The following AP3B1 variants were observed in gnomAD, a reference collection of about 807,000 sequenced individuals.
The protein encoded by AP3B1 is adaptor related protein complex 3 subunit beta 1.
A neutral mutation model predicts 132.5 loss-of-function variants in AP3B1; 61 were observed. The observed-to-expected ratio is 0.46, with a 90% CI of 0.37 to 0.57. The LOEUF (loss-of-function observed/expected upper bound fraction) is 0.57, where lower values mean the gene tolerates loss of function less well. Among genes scored for constraint, AP3B1 ranks in the 20% least tolerant of loss-of-function variants. The pLI is 0.00. For missense variants in AP3B1, 1,120 were observed against 1,289.4 expected, an observed-to-expected ratio of 0.87 and a Z score of 2.01; for synonymous variants, 388 against 438.3, an observed-to-expected ratio of 0.89 and a Z score of 1.43.
In AP3B1 at chr5:78,225,545, G is replaced by C. The variant is rs1245456737; in HGVS notation, c.600C>G (p.Ser200Arg). 9.0e-6 allele frequency: 14 copies of C among 1,552,630 alleles called. No individual in the cohort carries two copies. Among genetic ancestry groups the C allele is most frequent in the Non-Finnish European group, 1.2e-5 (14 of 1,126,730 alleles). Residue 200 changes from serine to arginine, a missense_variant, in exon 6 of 27, where the codon AGC (serine) becomes AGG (arginine). This residue lies in a region of AP3B1 where 129 missense variants were observed against 212.4 expected (regional missense o/e 0.61). Transcript: ENST00000255194. ...EVIEKLLKDK[S>R]TLVAGSVVMA... is the part of the protein sequence containing the mutation. ...GACGTAAAAAGACATTACTTACTGT[G>C]CTTTTATCTTTCAGAAGTTTTTCAA...
At chr5:78,177,306 A>C (rs1305819073) in intron 9 of AP3B1, 33 bp downstream of exon 9, 5 of 1,460,112 alleles carry the variant, frequency 3.4e-6, no homozygotes, top group Non-Finnish European at 4.8e-6. Context: ...GAAGGAATAC[A>C]AAAGAAAAAA....
chr5:78,118,675 G>A (rs1751987965), intron 17 of AP3B1, among the ~76,000 whole-genome samples: 1 of 152,242 alleles, frequency 6.6e-6, no homozygotes, highest in Admixed American at 6.5e-5. Context: ...AAGCAGCCAG[G>A]AAGCTCGAAC....
At chr5:78,185,542 T>G (rs1212873142) in intron 7 of AP3B1, among the ~76,000 whole-genome samples, 1 of 152,184 alleles carries the variant, frequency 6.6e-6, no homozygotes. Context: ...GTTATGCATG[T>G]AAAATGTAAT....
At chr5:78,110,783 T>C (rs1361477341) in intron 19 of AP3B1, among the ~76,000 whole-genome samples, 2 of 148,168 alleles carry the variant, frequency 1.3e-5, no homozygotes, top group African/African-American at 2.4e-5. Context: ...TACGTATATA[T>C]ATACGTATAT....
At chr5:78,118,964 C>A (rs1037046355) in intron 17 of AP3B1, among the ~76,000 whole-genome samples, 1 of 152,120 alleles carries the variant, frequency 6.6e-6, no homozygotes, top group Non-Finnish European at 1.5e-5. Context: ...CGGGTACTCC[C>A]CTGAGACAAA....
chr5:78,037,543 T>C (rs1358079208), intron 23 of AP3B1, among the ~76,000 whole-genome samples: 1 of 152,172 alleles, frequency 6.6e-6, no homozygotes, highest in East Asian at 1.9e-4. Flanking sequence ...TCAAAAATTA[T>C]TTTATTCCTT....
At chr5:78,159,599 T>C (rs1743304114) in intron 13 of AP3B1, among the ~76,000 whole-genome samples, 1 of 152,218 alleles carries the variant, frequency 6.6e-6, no homozygotes. Context: ...CCTGCGTCTC[T>C]CTTTCCCTTA....
intron 26 of AP3B1, among the ~76,000 whole-genome samples, chr5:78,005,716 T>C (rs1459442301): frequency 2.0e-5 from 3 of 152,230 alleles, no homozygotes; most frequent in Non-Finnish European, 2.9e-5. Flanking sequence ...TCTGACATTC[T>C]CATTTCACAG....
At chr5:78,077,848 G>A (rs965359515) in intron 22 of AP3B1, among the ~76,000 whole-genome samples, 1 of 152,126 alleles carries the variant, frequency 6.6e-6, no homozygotes, top group African/African-American at 2.4e-5. Flanking sequence ...ATTTCCCTCA[G>A]TAACCTGTGA....
At chr5:78,023,312 G>A (rs1198479671) in intron 24 of AP3B1, among the ~76,000 whole-genome samples, 1 of 152,144 alleles carries the variant, frequency 6.6e-6, no homozygotes, top group African/African-American at 2.4e-5. Context: ...CATAGTGACA[G>A]GTGCTTATAG....
chr5:78,196,547 G>A (rs1028500023), intron 7 of AP3B1, among the ~76,000 whole-genome samples: 1 of 152,144 alleles, frequency 6.6e-6, no homozygotes, highest in African/African-American at 2.4e-5. Flanking sequence ...CTGAAAAGAT[G>A]TCCACACAAA....
chr5:78,169,036 C>T (rs985425713), intron 11 of AP3B1, among the ~76,000 whole-genome samples: 10 of 152,080 alleles, frequency 6.6e-5, no homozygotes, highest in African/African-American at 2.4e-4. Flanking sequence ...CATAGTCCAT[C>T]CTTTCCTCAT....
intron 14 of AP3B1, among the ~76,000 whole-genome samples, chr5:78,146,630 T>A (rs988208519): frequency 2.0e-5 from 3 of 152,190 alleles, no homozygotes; most frequent in African/African-American, 7.2e-5. Flanking sequence ...TTTTTTGTAT[T>A]CTATTTTACA....
chr5:78,007,498 C>T (rs1031355013), intron 26 of AP3B1, among the ~76,000 whole-genome samples: 8 of 151,946 alleles, frequency 5.3e-5, no homozygotes, highest in Non-Finnish European at 1.0e-4. Context: ...CAGACAGAAT[C>T]CTATTAGTAA....
intron 6 of AP3B1, among the ~76,000 whole-genome samples, chr5:78,221,998 C>T (rs2112485440): frequency 6.6e-6 from 1 of 152,246 alleles, no homozygotes. Flanking sequence ...TGCCCACCAT[C>T]TCCACTACTA....
intron 25 of AP3B1, 60 bp from the exon 26 acceptor site, chr5:78,015,608 A>C (rs1746826232): frequency 6.3e-7 from 1 of 1,591,400 alleles, no homozygotes; most frequent in Non-Finnish European, 8.6e-7. Context: ...ACATTTACAG[A>C]ATTTTAAGCT....
At chr5:78,164,628 C>T (rs1443721734) in intron 12 of AP3B1, among the ~76,000 whole-genome samples, 1 of 152,040 alleles carries the variant, frequency 6.6e-6, no homozygotes, top group Non-Finnish European at 1.5e-5. Context: ...TGAATAATAA[C>T]ATAAAATAGT....
intron 14 of AP3B1, among the ~76,000 whole-genome samples, chr5:78,144,502 T>C (rs1212443599): frequency 6.6e-6 from 1 of 152,218 alleles, no homozygotes; most frequent in Non-Finnish European, 1.5e-5. Context: ...CAATTTCATT[T>C]ATTTAAATTT....
At chr5:78,073,101 A>G (rs1273181543) in intron 22 of AP3B1, among the ~76,000 whole-genome samples, 1 of 151,782 alleles carries the variant, frequency 6.6e-6, no homozygotes, top group African/African-American at 2.4e-5. Context: ...TTTACTCCAT[A>G]CTCTCTTGTC....
Sources: gnomAD v4.1 joint callset for allele counts (sites outside exome capture counted in the v4.1 genomes callset) on GRCh38, gnomAD v4.1.1 for gene constraint, gnomAD v4.1.1 regional missense constraint, MANE v1.5 for transcripts, NCBI Gene and HGNC (gene_info 2026-07-23, HGNC 2026-07-21) for gene names.